The following LPAR1 variants were observed in gnomAD, a reference collection of about 807,000 sequenced individuals.
The protein encoded by LPAR1 is lysophosphatidic acid receptor 1.
A neutral mutation model predicts 23.8 loss-of-function variants in LPAR1; 5 were observed. The observed-to-expected ratio is 0.21, with a 90% CI of 0.11 to 0.44. The LOEUF (loss-of-function observed/expected upper bound fraction) is 0.44, where lower values mean the gene tolerates loss of function less well. Among genes scored for constraint, LPAR1 ranks in the 20% least tolerant of loss-of-function variants. The pLI is 0.99. For missense variants in LPAR1, 311 were observed against 482.8 expected (o/e 0.64, Z 3.33); for synonymous variants, 160 against 164.7 (o/e 0.97, Z 0.22).
chr9:110,917,646 C>A (rs748825784), intron 5 of LPAR1, among the ~76,000 whole-genome samples: 1 of 152,164 alleles, frequency 6.6e-6, no homozygotes, highest in Non-Finnish European at 1.5e-5. Context: ...ATAGCTGATG[C>A]ATCCATCACA....
chr9:110,992,560 T>C (rs2139728013), intron 2 of LPAR1, among the ~76,000 whole-genome samples: 1 of 152,292 alleles, frequency 6.6e-6, no homozygotes, highest in African/African-American at 2.4e-5. Context: ...GTTTTATCTG[T>C]AAATAGCCAA....
In LPAR1 at chr9:111,012,012, G is replaced by A. The variant is rs79116811; in HGVS notation, c.-182+24110C>T. ...TGCCTGTTATTCCAACACTTTGAGA[G>A]GCCAAGGCAGAAAGATCACTTGAGC... On this transcript the variant is annotated intron_variant, in intron 2 of 5. Coordinates refer to ENST00000683809, the MANE Select transcript of LPAR1 (RefSeq NM_001351411.2). Among the ~76,000 whole-genome samples the A allele has an allele frequency of 9.6e-3, 1,469 of 152,264 alleles. 23 individuals carry two copies. The highest frequency in any genetic ancestry group is 0.033 in the African/African-American group (1,374 of 41,554).
At position 110,986,477 on chromosome 9, in the gene LPAR1, G is replaced by A. The variant is rs558803500; in HGVS notation, c.-181-12919C>T. Reference sequence around the variant, plus strand: ...TCCAGCACTTTGAGAGGCCAAGGCCGGAGGATTGCTTGAGCCCAGGAGTTT... The same window carrying A: ...TCCAGCACTTTGAGAGGCCAAGGCCAGAGGATTGCTTGAGCCCAGGAGTTT... On this transcript the variant is annotated intron_variant, in intron 2 of 5. Transcript: ENST00000683809. Among the ~76,000 whole-genome samples the A allele has an allele frequency of 5.8e-3, 881 of 152,182 alleles. 9 individuals are homozygous for A. Among genetic ancestry groups the A allele is most frequent in the African/African-American group, 0.02 (829 of 41,530 alleles).
chr9:110,943,169 T>A (rs908596487), intron 4 of LPAR1, among the ~76,000 whole-genome samples: 1 of 149,004 alleles, frequency 6.7e-6, no homozygotes, highest in African/African-American at 2.4e-5. Flanking sequence ...AGAAAATAAG[T>A]AACAAACTAG....
chr9:110,961,915 G>T (rs12342681), intron 4 of LPAR1, among the ~76,000 whole-genome samples: 2,256 of 152,256 alleles, frequency 0.015, 50 homozygotes, highest in African/African-American at 0.051. Flanking sequence ...TACGATTCAG[G>T]ATAAGATTTG....
At chr9:110,926,534 A>AT (rs981475020) in intron 5 of LPAR1, among the ~76,000 whole-genome samples, 10 of 152,308 alleles carry the variant, frequency 6.6e-5, no homozygotes, top group African/African-American at 1.9e-4. Context: ...AGATCAGGTG[A>AT]TTTTCAGACA....
At chr9:111,015,469 A>G (rs1045494712) in intron 2 of LPAR1, among the ~76,000 whole-genome samples, 1 of 152,154 alleles carries the variant, frequency 6.6e-6, no homozygotes, top group Non-Finnish European at 1.5e-5. Context: ...TACGATCTCA[A>G]CTTATAGGTA....
At chr9:110,938,049 A>G (rs1436137622) in intron 5 of LPAR1, among the ~76,000 whole-genome samples, 3 of 152,192 alleles carry the variant, frequency 2.0e-5, no homozygotes, top group African/African-American at 7.2e-5. Context: ...TTGAAGGCAG[A>G]GAAACTTGGT....
At chr9:110,885,245 A>C (rs953649454) in intron 5 of LPAR1, among the ~76,000 whole-genome samples, 1 of 152,162 alleles carries the variant, frequency 6.6e-6, no homozygotes, top group Non-Finnish European at 1.5e-5. Flanking sequence ...TCTACATTCA[A>C]ATGCAGTGGG....
intron 2 of LPAR1, among the ~76,000 whole-genome samples, chr9:110,979,301 A>T (rs2096621282): frequency 6.9e-6 from 1 of 145,532 alleles, no homozygotes; most frequent in Non-Finnish European, 1.5e-5. Flanking sequence ...ATGTAGAGTT[A>T]AAAAAAAAAA....
chr9:110,909,729 GTATTTATTTATT>G (rs56693702), intron 5 of LPAR1, among the ~76,000 whole-genome samples: 100 of 147,874 alleles, frequency 6.8e-4, no homozygotes, highest in African/African-American at 2.0e-3. Context: ...ATTAAATAAA[GTATTTATTTATT>G]TATTTATTTA....
chr9:110,967,145 G>A (rs1020366517), intron 4 of LPAR1, among the ~76,000 whole-genome samples: 3 of 152,096 alleles, frequency 2.0e-5, no homozygotes, highest in African/African-American at 7.2e-5. Flanking sequence ...ATTATAAATC[G>A]GTTACAAACA....
chr9:110,915,286 C>A (rs1164898324), intron 5 of LPAR1, among the ~76,000 whole-genome samples: 1 of 152,134 alleles, frequency 6.6e-6, no homozygotes, highest in Non-Finnish European at 1.5e-5. Context: ...CCTGTAATCC[C>A]AGCACTTTGG....
intron 2 of LPAR1, among the ~76,000 whole-genome samples, chr9:110,992,350 C>T (rs77809058): frequency 1.7e-4 from 26 of 152,218 alleles, no homozygotes; most frequent in Non-Finnish European, 2.6e-4. Context: ...ACCAACCATA[C>T]CAAGTGTCAG....
chr9:110,989,969 TAG>T (rs2096864820), intron 2 of LPAR1, among the ~76,000 whole-genome samples: 1 of 17,436 alleles, frequency 5.7e-5, no homozygotes, highest in African/African-American at 2.1e-4. Flanking sequence ...TCTAACAGAG[TAG>T]ATTAGTAGAT....
Position 110,957,567 on chromosome 9 carries a change from G to C in LPAR1, c.45+14506C>G, listed in dbSNP as rs77246465. 8.8e-3 allele frequency among the ~76,000 whole-genome samples: 1,337 copies of C among 152,040 alleles called. 21 individuals carry two copies. Among genetic ancestry groups the C allele is most frequent in the African/African-American group, 0.03 (1,265 of 41,476 alleles). ...CATGACAAAAACTCTCAGCAAACTA[G>C]GCATAAAAGGAACATACCTTAACCT... On this transcript the variant is annotated intron_variant, in intron 4 of 5. Coordinates refer to ENST00000683809, the MANE Select transcript of LPAR1 (RefSeq NM_001351411.2).
intron 2 of LPAR1, among the ~76,000 whole-genome samples, chr9:111,028,632 T>TTA (rs1554742836): frequency 6.6e-6 from 1 of 151,794 alleles, no homozygotes; most frequent in African/African-American, 2.4e-5. Context: ...TTTTTTTTTT[T>TTA]ACCAAGTAAA....
chr9:110,977,858 A>AGGAG (rs2096590264), intron 2 of LPAR1, among the ~76,000 whole-genome samples: 1 of 101,312 alleles, frequency 9.9e-6, no homozygotes, highest in Non-Finnish European at 2.0e-5. Flanking sequence ...GAAGGAAGGA[A>AGGAG]GGAAGGAAGG....
intron 2 of LPAR1, among the ~76,000 whole-genome samples, chr9:111,013,432 T>G (rs1228641822): frequency 6.6e-6 from 1 of 152,170 alleles, no homozygotes; most frequent in Non-Finnish European, 1.5e-5. Flanking sequence ...AACTCCTTCC[T>G]GTCCTAATTG....
Sources: allele counts gnomAD v4.1 joint callset (sites outside exome capture counted in the v4.1 genomes callset), GRCh38; gene constraint gnomAD v4.1.1; transcripts MANE v1.5; gene names NCBI Gene and HGNC (gene_info 2026-07-23, HGNC 2026-07-21).